Variants in TLK1 observed in about 807,000 individuals in gnomAD.
TLK1 encodes the protein serine/threonine-protein kinase tousled-like 1.
A neutral mutation model predicts 105.3 loss-of-function variants in TLK1; 24 were observed. That is an observed-to-expected ratio of 0.23 (90% CI 0.17 to 0.32). The LOEUF is 0.32. Ranked by LOEUF, TLK1 falls within the 10% of genes least tolerant of loss-of-function variation. TLK1 has a pLI of 1.00. For synonymous variants in TLK1, 321 were observed against 310.4 expected (o/e 1.03, Z -0.36); for missense variants, 558 against 910.5 (o/e 0.61, Z 4.98).
At chr2:171,000,433 T>C (rs1684307718) in intron 18 of TLK1, among the ~76,000 whole-genome samples, 2 of 151,006 alleles carry the variant, frequency 1.3e-5, no homozygotes, top group Non-Finnish European at 2.9e-5. Context: ...TGACTGGAAG[T>C]TGACTTACTG....
chr2:171,093,665 A>C (rs1474714733), intron 2 of TLK1, among the ~76,000 whole-genome samples: 1 of 152,272 alleles, frequency 6.6e-6, no homozygotes, highest in East Asian at 1.9e-4. Context: ...CCATTAAAAA[A>C]AAAAAATTCC....
Position 171,160,522 on chromosome 2 carries a change from AG to A in TLK1, c.-95del, listed in dbSNP as rs370803642. ...CTCCGTCATGGCGGGGGCCGCGCTG[AG>A]GGCGAGCGAGAGAGCGAGGGCTGGG... On this transcript the variant is annotated 5_prime_UTR_variant, in exon 1 of 21. Transcript: ENST00000431350. This position sits in a 1 kb window ranked among gnomAD's most constrained non-coding sequence, Gnocchi z 4.4. 468 of 1,449,950 alleles carry A rather than the reference AG, an allele frequency of 3.2e-4. 1 individual carries two copies. In the East Asian group the frequency reaches 7.3e-3, roughly 23 times the overall value. 89.8% of individuals were successfully genotyped at this position (1,449,950 alleles called of 1,614,324 possible).
At chr2:171,059,870 T>G in intron 4 of TLK1, 1 of 902,188 alleles carries the variant, frequency 1.1e-6, no homozygotes, top group Non-Finnish European at 1.9e-6. Flanking sequence ...ACGCTGCCGC[T>G]GATCTGACAG....
intron 18 of TLK1, among the ~76,000 whole-genome samples, chr2:171,001,196 C>T (rs1164100908): frequency 6.6e-6 from 1 of 152,172 alleles, no homozygotes; most frequent in African/African-American, 2.4e-5. Context: ...GTAATCCTTC[C>T]AGACTTTCAT....
At chr2:171,001,619 C>G (rs909133383) in intron 18 of TLK1, among the ~76,000 whole-genome samples, 23 of 152,248 alleles carry the variant, frequency 1.5e-4, no homozygotes, top group African/African-American at 5.5e-4. Context: ...GTAGAGTTAC[C>G]CTGTCCCTTC....
intron 4 of TLK1, among the ~76,000 whole-genome samples, chr2:171,060,230 T>G (rs1687688288): frequency 6.6e-6 from 1 of 152,178 alleles, no homozygotes; most frequent in Non-Finnish European, 1.5e-5. Flanking sequence ...CGGGGGCTTG[T>G]TTTTGAGTTT....
chr2:171,113,782 T>C (rs929822456), intron 2 of TLK1, among the ~76,000 whole-genome samples: 2 of 152,166 alleles, frequency 1.3e-5, no homozygotes, highest in African/African-American at 4.8e-5. Flanking sequence ...AGAGCAAGTA[T>C]GATAGTAAAC....
chr2:171,056,655 T>C lies in TLK1; in HGVS notation c.454-89A>G, dbSNP rs1687516785. 26 of 1,023,644 alleles carry C rather than the reference T, an allele frequency of 2.5e-5. No homozygotes were observed. The Admixed American group carries it at 5.8e-4, about 23-fold the overall frequency. 63.4% of individuals were successfully genotyped at this position (1,023,644 alleles called of 1,614,324 possible). A position where few individuals can be genotyped will look rare whatever the true frequency, so the allele number is the denominator to read the frequency against. Reference sequence around the variant, plus strand: ...ATGACATTAAGAATTAATCTAAATATACCTAATTTTAAAATAAGTAGTCAT... The same window carrying C: ...ATGACATTAAGAATTAATCTAAATACACCTAATTTTAAAATAAGTAGTCAT... On this transcript the variant is annotated intron_variant, in intron 5 of 20. Transcript: ENST00000431350.
At chr2:171,075,948 T>C (rs1177117018) in intron 3 of TLK1, among the ~76,000 whole-genome samples, 1 of 152,216 alleles carries the variant, frequency 6.6e-6, no homozygotes, top group Non-Finnish European at 1.5e-5. Flanking sequence ...GCAGGTGCGG[T>C]GGCTCTTGCC....
intron 1 of TLK1, among the ~76,000 whole-genome samples, chr2:171,166,735 A>G (rs1692616729): frequency 6.6e-6 from 1 of 152,220 alleles, no homozygotes; most frequent in Non-Finnish European, 1.5e-5. Context: ...TGTATCCTAG[A>G]GGAATTCTTG....
At chr2:171,193,292 A>G (rs1374006948) in intron 1 of TLK1, among the ~76,000 whole-genome samples, 1 of 152,190 alleles carries the variant, frequency 6.6e-6, no homozygotes, top group Non-Finnish European at 1.5e-5. Flanking sequence ...CACTCCTCCT[A>G]GGACTTCATA....
At chr2:171,072,388 C>A (rs751722087) in intron 3 of TLK1, among the ~76,000 whole-genome samples, 1 of 151,996 alleles carries the variant, frequency 6.6e-6, no homozygotes, top group Non-Finnish European at 1.5e-5. Context: ...CCAAGGGGGG[C>A]GGATCACTTG....
At chr2:170,996,548 CAGCG>C (rs1302036703) in intron 20 of TLK1, 101 bp downstream of exon 20, 3 of 826,140 alleles carry the variant, frequency 3.6e-6, no homozygotes, top group Non-Finnish European at 5.7e-6. Context: ...TCCCCTGCAG[CAGCG>C]AGTCTTGTGA....
At chr2:171,040,554 T>C (rs1330938723) in intron 11 of TLK1, among the ~76,000 whole-genome samples, 1 of 142,504 alleles carries the variant, frequency 7.0e-6, no homozygotes, top group Non-Finnish European at 1.5e-5. Flanking sequence ...TTATACAAAA[T>C]ATATTCCTTT....
At chr2:171,049,075 A>G (rs1428071662) in intron 10 of TLK1, among the ~76,000 whole-genome samples, 2 of 152,192 alleles carry the variant, frequency 1.3e-5, no homozygotes, top group Non-Finnish European at 2.9e-5. Flanking sequence ...GGAGCTAAAC[A>G]TTGGAGACAC....
At chr2:171,038,618 T>C (rs983567960) in intron 11 of TLK1, among the ~76,000 whole-genome samples, 1 of 152,164 alleles carries the variant, frequency 6.6e-6, no homozygotes, top group Admixed American at 6.5e-5. Context: ...TCTAGCTAAT[T>C]GCATTGTGGT....
intron 1 of TLK1, among the ~76,000 whole-genome samples, chr2:171,168,199 TA>T (rs1392607013): frequency 6.6e-6 from 1 of 152,090 alleles, no homozygotes; most frequent in Non-Finnish European, 1.5e-5. Flanking sequence ...CTCCATAGTT[TA>T]AAGATTTTCA....
intron 1 of TLK1, among the ~76,000 whole-genome samples, chr2:171,127,328 C>T (rs1030885699): frequency 1.3e-5 from 2 of 150,066 alleles, no homozygotes; most frequent in African/African-American, 4.9e-5. Context: ...TATTGTATAA[C>T]ACTGGAATTA....
intron 2 of TLK1, among the ~76,000 whole-genome samples, chr2:171,108,582 C>T (rs1690033213): frequency 6.6e-6 from 1 of 151,934 alleles, no homozygotes. Flanking sequence ...AAAACATATG[C>T]TGTCTACAAG....
Sources: allele counts gnomAD v4.1 joint callset (sites outside exome capture counted in the v4.1 genomes callset), GRCh38; gene constraint gnomAD v4.1.1; non-coding constraint Gnocchi (gnomAD v3.1); transcripts MANE v1.5; gene names NCBI Gene and HGNC (gene_info 2026-07-23, HGNC 2026-07-21).